The following ABCC1 variants were observed in gnomAD, a reference collection of about 807,000 sequenced individuals.
ABCC1 encodes the protein ATP binding cassette subfamily C member 1 (ABCC1 blood group).
A neutral mutation model predicts 172.9 loss-of-function variants in ABCC1; 83 were observed. That is an observed-to-expected ratio of 0.48 (90% CI 0.40 to 0.58). ABCC1 has a LOEUF of 0.58. Among genes scored for constraint, ABCC1 ranks in the 20% least tolerant of loss-of-function variants. The probability of loss-of-function intolerance (pLI) is 0.00; values close to 1 mark genes in which losing one functional copy is unlikely to be tolerated. For synonymous variants in ABCC1, 937 were observed against 825.2 expected, an observed-to-expected ratio of 1.14 and a Z score of -2.32; for missense variants, 1,817 against 2,002.7, an observed-to-expected ratio of 0.91 and a Z score of 1.77.
Position 16,014,629 on chromosome 16 carries a change from G to A in ABCC1, c.489+1G>A, listed in dbSNP as rs1567314639. On this transcript the variant is annotated splice_donor_variant, in intron 4 of 30. Coordinates refer to ENST00000399410, the MANE Select transcript of ABCC1 (RefSeq NM_004996.4). LOFTEE classifies it high-confidence loss of function. Reference sequence around the variant, plus strand: ...CAAAATTATGACAGCCTTAAAAGAGGTAAGTGGCAGTCTCCTTCCTCATCT... The same window carrying A: ...CAAAATTATGACAGCCTTAAAAGAGATAAGTGGCAGTCTCCTTCCTCATCT... 1 of 1,613,366 alleles carries A rather than the reference G, an allele frequency of 6.2e-7. No homozygotes were observed.
chr16:16,073,755 T>G (rs575460604), intron 14 of ABCC1, among the ~76,000 whole-genome samples: 1 of 152,252 alleles, frequency 6.6e-6, no homozygotes, highest in East Asian at 1.9e-4. Context: ...AGACCCTGTC[T>G]CAAAAAACAA....
chr16:16,111,950 G>C (rs183602445), intron 22 of ABCC1, among the ~76,000 whole-genome samples: 1 of 152,166 alleles, frequency 6.6e-6, no homozygotes, highest in African/African-American at 2.4e-5. Flanking sequence ...TGCCTGCTGA[G>C]TGAGGGCGGA....
At chr16:15,952,389 G>C (rs778793728) in intron 1 of ABCC1, among the ~76,000 whole-genome samples, 1 of 152,072 alleles carries the variant, frequency 6.6e-6, no homozygotes, top group Non-Finnish European at 1.5e-5. Flanking sequence ...CATGTGCTTA[G>C]AAGTCAAGGT....
chr16:16,114,719 T>G, intron 22 of ABCC1, 47 bp from the exon 23 acceptor site: 1 of 1,538,642 alleles, frequency 6.5e-7, no homozygotes, highest in Non-Finnish European at 8.8e-7. Context: ...CAGTGCCTGG[T>G]CAGCTCCCTC....
chr16:16,106,707 C>A (rs199963216), intron 20 of ABCC1, 31 bp from the exon 21 acceptor site: 29 of 1,613,370 alleles, frequency 1.8e-5, no homozygotes, highest in Non-Finnish European at 3.4e-6. Context: ...GGCATCTGTA[C>A]GGTTGACACC....
intron 1 of ABCC1, among the ~76,000 whole-genome samples, chr16:15,995,618 A>G (rs1340982954): frequency 2.6e-5 from 4 of 151,964 alleles, no homozygotes; most frequent in Non-Finnish European, 5.9e-5. Context: ...CCATGGTAGT[A>G]GTCGCTGATA....
chr16:16,010,037 C>CTTTTTTTTTTGTTTTTTT (rs2047717911), intron 3 of ABCC1, 136 bp downstream of exon 3: 1 of 100,498 alleles, frequency 1.0e-5, no homozygotes, highest in African/African-American at 5.8e-5. Context: ...TAAATGTAGC[C>CTTTTTTTTTTGTTTTTTT]TTTTTTTTTT....
intron 1 of ABCC1, among the ~76,000 whole-genome samples, chr16:15,983,547 C>G (rs2151596060): frequency 8.1e-6 from 1 of 123,144 alleles, no homozygotes; most frequent in East Asian, 2.2e-4. Context: ...TAATGGTACA[C>G]CACACTTTTT....
At chr16:15,999,769 T>TCTCTCTCTCTCTCTCTC (rs2047186174) in intron 1 of ABCC1, among the ~76,000 whole-genome samples, 3 of 25,364 alleles carry the variant, frequency 1.2e-4, no homozygotes, top group African/African-American at 2.1e-4. Context: ...CCCGGCCTCT[T>TCTCTCTCTCTCTCTCTC]TCTCTCTCTC....
intron 19 of ABCC1, among the ~76,000 whole-genome samples, chr16:16,102,284 G>A (rs1374007917): frequency 6.6e-6 from 1 of 152,214 alleles, no homozygotes; most frequent in African/African-American, 2.4e-5. Context: ...CCTGGTCCTA[G>A]GAAGTGAGCT....
intron 1 of ABCC1, among the ~76,000 whole-genome samples, chr16:15,982,399 C>T (rs1225735297): frequency 6.6e-6 from 1 of 152,020 alleles, no homozygotes; most frequent in Non-Finnish European, 1.5e-5. Context: ...GGGAAGCAAA[C>T]ACGTCCTTCT....
At chr16:16,075,733 T>C (rs2151971842) in intron 14 of ABCC1, among the ~76,000 whole-genome samples, 1 of 152,312 alleles carries the variant, frequency 6.6e-6, no homozygotes, top group Admixed American at 6.5e-5. Context: ...TATCCTCTTT[T>C]TTTGAGTTTA....
Position 15,949,716 on chromosome 16 carries a change from C to A in ABCC1, c.-36C>A. ...GCGCCAGCAACCGGGCCCGATCACC[C>A]GCCGCCCGGTGCCCGCCGCCGCCCG... On this transcript the variant is annotated 5_prime_UTR_variant, in exon 1 of 31. Coordinates refer to ENST00000399410, the MANE Select transcript of ABCC1 (RefSeq NM_004996.4). 8.9e-7 allele frequency: 1 copy of A among 1,118,380 alleles called. No homozygotes were observed. 69.3% of individuals were successfully genotyped at this position (1,118,380 alleles called of 1,614,324 possible). A position where few individuals can be genotyped will look rare whatever the true frequency, so the allele number is the denominator to read the frequency against.
At chr16:15,966,100 G>T (rs1567276964) in intron 1 of ABCC1, among the ~76,000 whole-genome samples, 1 of 152,004 alleles carries the variant, frequency 6.6e-6, no homozygotes, top group African/African-American at 2.4e-5. Context: ...TTATTATTCA[G>T]AGTGGACGAT....
intron 1 of ABCC1, among the ~76,000 whole-genome samples, chr16:16,003,950 G>C (rs1180358916): frequency 6.6e-6 from 1 of 150,414 alleles, no homozygotes; most frequent in Admixed American, 6.6e-5. Context: ...TGGTTGGGGG[G>C]GGTGGATGGA....
chr16:16,084,486 C>G (rs139800083), intron 17 of ABCC1, among the ~76,000 whole-genome samples: 1 of 149,256 alleles, frequency 6.7e-6, no homozygotes, highest in African/African-American at 2.5e-5. Flanking sequence ...CCCTCAGCCT[C>G]TTGAATAGCT....
chr16:16,021,934 C>T (rs2048210326), intron 5 of ABCC1, among the ~76,000 whole-genome samples: 1 of 152,166 alleles, frequency 6.6e-6, no homozygotes, highest in Admixed American at 6.5e-5. Context: ...CCTCCTCTCT[C>T]TGTCCCAGAC....
chr16:16,116,206 T>C (rs371033232), intron 23 of ABCC1, among the ~76,000 whole-genome samples: 1 of 151,926 alleles, frequency 6.6e-6, no homozygotes. Flanking sequence ...GCCCGGCCCC[T>C]TTCATTCTTA....
intron 24 of ABCC1, among the ~76,000 whole-genome samples, chr16:16,122,711 T>TAA (rs34383577): frequency 0.015 from 1,778 of 116,216 alleles, 53 homozygotes; most frequent in African/African-American, 0.055. Flanking sequence ...CCATCTCTCT[T>TAA]AAAAAAAAAA....
Sources: gnomAD v4.1 joint callset for allele counts (sites outside exome capture counted in the v4.1 genomes callset) on GRCh38, gnomAD v4.1.1 for gene constraint, MANE v1.5 for transcripts, NCBI Gene and HGNC (gene_info 2026-07-23, HGNC 2026-07-21) for gene names.